GALNT13: variants seen among roughly 807,000 people sequenced by gnomAD.
GALNT13 encodes polypeptide N-acetylgalactosaminyltransferase 13.
Under a neutral mutation model 64.2 loss-of-function variants are expected in GALNT13, and 28 were observed. The observed-to-expected ratio is 0.44, with a 90% CI of 0.32 to 0.60. The LOEUF is 0.60. GALNT13 is among the 20% of genes least tolerant of loss of function. The pLI is 0.05. For missense variants in GALNT13, 577 were observed against 669.8 expected, an observed-to-expected ratio of 0.86 and a Z score of 1.53; for synonymous variants, 214 against 224.6, an observed-to-expected ratio of 0.95 and a Z score of 0.42.
rs546908551 is a variant in GALNT13 at position 154,431,312 on chromosome 2, A to G, written c.1396-7280A>G. Among the ~76,000 whole-genome samples, 12 of 152,312 alleles carry G rather than the reference A, an allele frequency of 7.9e-5. No individual in the cohort carries two copies. In the South Asian group the frequency reaches 2.3e-3, roughly 29 times the overall value. ...ACGTGTACTGCTGGAACAAGGTTTC[A>G]TTAGCACAGGCTCATGCTAGAGATT... On this transcript the variant is annotated intron_variant, in intron 11 of 12. Coordinates refer to ENST00000392825, the MANE Select transcript of GALNT13 (RefSeq NM_052917.4).
chr2:153,459,928 T>C, the GALNT13 span, among the ~76,000 whole-genome samples: 2 of 152,238 alleles, frequency 1.3e-5, no homozygotes, highest in East Asian at 3.9e-4. Flanking sequence ...GAATCTTAAG[T>C]TAAAAATGAA....
At chr2:153,911,534 A>G (rs1688940291) in intron 2 of GALNT13, among the ~76,000 whole-genome samples, 1 of 152,170 alleles carries the variant, frequency 6.6e-6, no homozygotes, top group Non-Finnish European at 1.5e-5. Flanking sequence ...GTGTTTCTGT[A>G]GCGGCTGGTA....
the GALNT13 span, among the ~76,000 whole-genome samples, chr2:153,836,562 G>A: frequency 6.6e-5 from 10 of 151,424 alleles, no homozygotes; most frequent in South Asian, 2.1e-3. Context: ...CAATGTGCAG[G>A]TTAGTTACAT....
At chr2:154,322,542 G>A (rs1192708756) in intron 9 of GALNT13, among the ~76,000 whole-genome samples, 1 of 152,052 alleles carries the variant, frequency 6.6e-6, no homozygotes, top group African/African-American at 2.4e-5. Context: ...TGGTTTGAAG[G>A]CGTCTGACTC....
intron 9 of GALNT13, among the ~76,000 whole-genome samples, chr2:154,380,102 A>C (rs925024148): frequency 6.6e-6 from 1 of 152,062 alleles, no homozygotes; most frequent in African/African-American, 2.4e-5. Flanking sequence ...AACTGAACAA[A>C]AGGTATTTAT....
intron 9 of GALNT13, among the ~76,000 whole-genome samples, chr2:154,356,301 A>T (rs1696745973): frequency 1.3e-5 from 2 of 152,036 alleles, no homozygotes; most frequent in South Asian, 2.1e-4. Flanking sequence ...CTGATTTCCT[A>T]AACTCAGACT....
intron 9 of GALNT13, among the ~76,000 whole-genome samples, chr2:154,303,030 T>C (rs1367449364): frequency 1.3e-5 from 2 of 152,174 alleles, no homozygotes; most frequent in African/African-American, 4.8e-5. Flanking sequence ...CTTCTTTATC[T>C]GTCATATGTT....
chr2:154,244,894 G>T (rs1689692269), intron 6 of GALNT13, among the ~76,000 whole-genome samples: 1 of 152,034 alleles, frequency 6.6e-6, no homozygotes, highest in South Asian at 2.1e-4. Flanking sequence ...GCCAAGGCAG[G>T]TGGATCACCT....
the GALNT13 span, among the ~76,000 whole-genome samples, chr2:153,544,645 T>G: frequency 6.6e-6 from 1 of 152,190 alleles, no homozygotes; most frequent in African/African-American, 2.4e-5. Context: ...GAACCCATGA[T>G]TCAGGTAAGA....
the GALNT13 span, among the ~76,000 whole-genome samples, chr2:153,829,808 C>T: frequency 3.0e-4 from 46 of 152,208 alleles, no homozygotes; most frequent in Non-Finnish European, 2.1e-4. Flanking sequence ...CTGTAAAATG[C>T]TTGCATGTTG....
chr2:153,949,988 T>G (rs916317483), intron 3 of GALNT13, among the ~76,000 whole-genome samples: 1 of 152,028 alleles, frequency 6.6e-6, no homozygotes, highest in Non-Finnish European at 1.5e-5. Context: ...AAACAAAATT[T>G]AAACTTTAGC....
chr2:153,198,019 G>A, the GALNT13 span, among the ~76,000 whole-genome samples: 1 of 152,164 alleles, frequency 6.6e-6, no homozygotes, highest in African/African-American at 2.4e-5. Context: ...GGTTCTGTGT[G>A]GGCTGAAGTG....
At chr2:153,435,845 C>T in the GALNT13 span, among the ~76,000 whole-genome samples, 4 of 151,958 alleles carry the variant, frequency 2.6e-5, no homozygotes, top group Non-Finnish European at 4.4e-5. Context: ...ATTGCCCTGG[C>T]CAGAACTTCC....
chr2:154,274,930 A>G (rs115213261), intron 8 of GALNT13, among the ~76,000 whole-genome samples: 2,941 of 152,198 alleles, frequency 0.019, 70 homozygotes, highest in African/African-American at 0.059. Context: ...AGTGATACGG[A>G]CAACAAAGTC....
chr2:154,448,013 CTTCTTTACAGGT>C (rs1235826319), intron 12 of GALNT13, among the ~76,000 whole-genome samples: 1 of 151,968 alleles, frequency 6.6e-6, no homozygotes, highest in South Asian at 2.1e-4. Context: ...TTCTTACAGC[CTTCTTTACAGGT>C]AACAGTCTGT....
intron 11 of GALNT13, among the ~76,000 whole-genome samples, chr2:154,423,864 A>G (rs1351760855): frequency 2.0e-5 from 3 of 152,170 alleles, no homozygotes; most frequent in South Asian, 4.1e-4. Context: ...TACCTTGAGT[A>G]TGTAATCAAG....
the GALNT13 span, among the ~76,000 whole-genome samples, chr2:153,332,785 A>T: frequency 1.3e-5 from 2 of 152,148 alleles, no homozygotes; most frequent in Non-Finnish European, 2.9e-5. Context: ...GCTGAACCCA[A>T]TGCATGGGTG....
chr2:153,949,555 T>C (rs769342880), intron 3 of GALNT13, among the ~76,000 whole-genome samples: 4 of 150,644 alleles, frequency 2.7e-5, no homozygotes, highest in Admixed American at 1.3e-4. Flanking sequence ...ACATTAAAAT[T>C]GAGGTTTACA....
chr2:153,585,118 T>C, the GALNT13 span, among the ~76,000 whole-genome samples: 3 of 152,178 alleles, frequency 2.0e-5, no homozygotes, highest in Non-Finnish European at 4.4e-5. Flanking sequence ...AAAATATTGA[T>C]TTTTAAAGAG....
Sources: allele counts gnomAD v4.1 joint callset (sites outside exome capture counted in the v4.1 genomes callset), GRCh38; gene constraint gnomAD v4.1.1; transcripts MANE v1.5; gene names NCBI Gene and HGNC (gene_info 2026-07-23, HGNC 2026-07-21).